SPATA31E1: variants seen among roughly 807,000 people sequenced by gnomAD.
SPATA31E1 encodes spermatogenesis-associated protein 31E1.
Under a neutral mutation model 12.9 loss-of-function variants are expected in SPATA31E1, and 7 were observed. That is an observed-to-expected ratio of 0.54 (90% confidence interval 0.31 to 1.02). The LOEUF (loss-of-function observed/expected upper bound fraction) is 1.02. Ranked by LOEUF, SPATA31E1 falls within the 50% of genes least tolerant of loss-of-function variation. The pLI, the probability that SPATA31E1 is intolerant of heterozygous loss-of-function variation, is 0.05. For synonymous variants in SPATA31E1, 771 were observed against 719.0 expected (o/e 1.07, Z -1.16); for missense variants, 1,961 against 1,799.8 (o/e 1.09, Z -1.62).
chr9:87,888,851 C>T lies in SPATA31E1; in HGVS notation c.*26C>T, dbSNP rs1230641848. 1 of 1,558,652 alleles carries T rather than the reference C, an allele frequency of 6.4e-7. No homozygotes were observed. Among genetic ancestry groups the T allele is most frequent in the South Asian group, 1.2e-5 (1 of 84,450 alleles). On this transcript the variant is annotated 3_prime_UTR_variant, in exon 4 of 4. Transcript: ENST00000325643. ...ACTAGACCAGTCTTCTTGCATGTCTCCTGGGGGAGACAGGGGGTTCTACTC... is the reference window on the plus strand; with the variant it reads ...ACTAGACCAGTCTTCTTGCATGTCTTCTGGGGGAGACAGGGGGTTCTACTC...
rs754128249 is a variant in SPATA31E1, at chr9:87,887,654, G to C, written c.3167G>C (p.Ser1056Thr). The C allele has an allele frequency of 6.2e-7, 1 of 1,614,074 alleles. No individual in the cohort carries two copies. The highest frequency in any genetic ancestry group is 8.5e-7 in the Non-Finnish European group (1 of 1,180,018). Residue 1056 changes from serine to threonine, a missense_variant, in exon 4 of 4, where the codon AGT (serine) becomes ACT (threonine). By Grantham distance (58) the Ser-to-Thr change is moderately conservative. Transcript: ENST00000325643. Reference sequence around the variant, plus strand: ...ACCTTGGGAGCCAGTGTGAGGGCAAGTTCGGGAAGTGTTCAGGAGGATCTG... The same window carrying C: ...ACCTTGGGAGCCAGTGTGAGGGCAACTTCGGGAAGTGTTCAGGAGGATCTG... ...EVTLGASVRASSGSVQEDLRS... is the reference protein window; with the variant it reads ...EVTLGASVRATSGSVQEDLRS...
Position 87,887,015 on chromosome 9 carries a change from G to C in SPATA31E1, c.2528G>C (p.Cys843Ser). 6.2e-7 allele frequency: 1 copy of C among 1,614,140 alleles called. No individual in the cohort carries two copies. Among genetic ancestry groups the C allele is most frequent in the Non-Finnish European group, 8.5e-7 (1 of 1,180,034 alleles). The change falls in exon 4 of 4, where the codon TGT becomes TCT. Residue 843 changes from cysteine to serine, a missense_variant. Physicochemically the swap from Cys to Ser is moderately radical, Grantham distance 112. Coordinates refer to ENST00000325643, the MANE Select transcript of SPATA31E1 (RefSeq NM_178828.5). ...CTGGAAGTACATCTTGTAAGGTTCT[G>C]TGTGAGGCACAGCTGGGGTACAGAC... ...QILEVHLVRFCVRHSWGTDLQ... is the reference protein window; with the variant it reads ...QILEVHLVRFSVRHSWGTDLQ...
rs771717657 is a variant in SPATA31E1 at position 87,886,995 on chromosome 9, A to C, written c.2508A>C (p.Glu836Asp). Reference sequence around the variant, plus strand: ...ATCCCTGCACCCAGCAGATACTGGAAGTACATCTTGTAAGGTTCTGTGTGA... The same window carrying C: ...ATCCCTGCACCCAGCAGATACTGGACGTACATCTTGTAAGGTTCTGTGTGA... Reference protein sequence around the residue: ...FLHPCTQQILEVHLVRFCVRH... With the variant: ...FLHPCTQQILDVHLVRFCVRH... The change falls in exon 4 of 4, where the codon GAA (glutamate) becomes GAC (aspartate). Residue 836 changes from glutamate (E) to aspartate (D), a missense_variant. Coordinates refer to ENST00000325643, the MANE Select transcript of SPATA31E1 (RefSeq NM_178828.5). 1 of 1,614,116 alleles carries C rather than the reference A, an allele frequency of 6.2e-7. No individual in the cohort carries two copies. The highest frequency in any genetic ancestry group is 1.3e-5 in the African/African-American group (1 of 75,046).
In SPATA31E1 at chr9:87,885,883, G is replaced by A; in HGVS notation, c.1396G>A (p.Ala466Thr). ...WVSRNPSSQNAHSVPLDKAST... is the reference protein window; with the variant it reads ...WVSRNPSSQNTHSVPLDKAST... ...TTCTAGGAACCCTTCCTCACAGAATGCACACTCTGTACCACTGGATAAAGC... is the reference window on the plus strand; with the variant it reads ...TTCTAGGAACCCTTCCTCACAGAATACACACTCTGTACCACTGGATAAAGC... The change falls in exon 4 of 4, where the codon GCA (alanine) becomes ACA (threonine). Residue 466 changes from alanine (A) to threonine (T), a missense_variant. Ala to Thr is a moderately conservative substitution (Grantham distance 58). Coordinates refer to ENST00000325643, the MANE Select transcript of SPATA31E1 (RefSeq NM_178828.5). 1.2e-6 allele frequency: 2 copies of A among 1,613,932 alleles called. No individual in the cohort carries two copies. Among genetic ancestry groups the A allele is most frequent in the East Asian group, 2.2e-5 (1 of 44,860 alleles).
Position 87,883,057 on chromosome 9 carries a change from T to C in SPATA31E1, c.166T>C (p.Trp56Arg), listed in dbSNP as rs1587566063. 1 of 1,613,580 alleles carries C rather than the reference T, an allele frequency of 6.2e-7. No individual in the cohort carries two copies. Among genetic ancestry groups the C allele is most frequent in the Non-Finnish European group, 8.5e-7 (1 of 1,179,906 alleles). The stretch of plus-strand genomic sequence containing the variant: ...TCCTCTGAAGAGCCCTAGTGCCACA[T>C]GGCTGAGCCCTAGCTCCACTCCCTG... ...LFPLKSPSATWLSPSSTPWMM... is the reference protein window; with the variant it reads ...LFPLKSPSATRLSPSSTPWMM... Residue 56 changes from tryptophan (W) to arginine (R), a missense_variant, in exon 1 of 4, where the codon TGG (tryptophan) becomes CGG (arginine). Trp to Arg is a moderately radical substitution (Grantham distance 101). Coordinates refer to ENST00000325643, the MANE Select transcript of SPATA31E1 (RefSeq NM_178828.5).
chr9:87,887,412 T>G lies in SPATA31E1; in HGVS notation c.2925T>G (p.Thr975=). Residue 975 remains threonine, a synonymous_variant, in exon 4 of 4, where the codon ACT becomes ACG. Transcript: ENST00000325643. The stretch of plus-strand genomic sequence containing the variant: ...TGGGCAGAACCTGGCAGAGCAGGAC[T>G]GTCCTGGAATCCGGGAAACCCAAAC... ...SLVGRTWQSR[T]VLESGKPKPR... is the part of the protein sequence containing the mutation. The G allele has an allele frequency of 6.2e-7, 1 of 1,613,812 alleles. No individual in the cohort carries two copies. Among genetic ancestry groups the G allele is most frequent in the Non-Finnish European group, 8.5e-7 (1 of 1,180,032 alleles).
chr9:87,884,011 G>A lies in SPATA31E1; in HGVS notation c.329G>A (p.Gly110Glu). 2 of 1,607,382 alleles carry A rather than the reference G, an allele frequency of 1.2e-6. No homozygotes were observed. The highest frequency in any genetic ancestry group is 2.7e-5 in the African/African-American group (2 of 74,916). Reference protein sequence around the residue: ...SSREPQRERSGRSRSRKISAL... With the variant: ...SSREPQRERSERSRSRKISAL... ...TCTCAGCCTCAAAGGGAGAGAAGCG[G>A]GAGGTCCAGGAGCAGGAAGATCTCA... Residue 110 changes from glycine to glutamate, a missense_variant, in exon 2 of 4, where the codon GGG becomes GAG. Transcript: ENST00000325643.
rs973461309 is a variant in SPATA31E1 at position 87,888,305 on chromosome 9, G to T, written c.3818G>T (p.Gly1273Val). The change falls in exon 4 of 4, where the codon GGT becomes GTT. Residue 1273 changes from glycine to valine, a missense_variant. By Grantham distance (109) the Gly-to-Val change is moderately radical (BLOSUM62 -3). Coordinates refer to ENST00000325643, the MANE Select transcript of SPATA31E1 (RefSeq NM_178828.5). Reference sequence around the variant, plus strand: ...AGAAAGATCAGTCACCATCCACAGGGTCTACACCCCAGGAAAGGAGGCACA... The same window carrying T: ...AGAAAGATCAGTCACCATCCACAGGTTCTACACCCCAGGAAAGGAGGCACA... ...FQRKISHHPQ[G>V]LHPRKGGTRW... 4 of 1,614,098 alleles carry T rather than the reference G, an allele frequency of 2.5e-6. No individual in the cohort carries two copies. Among genetic ancestry groups the T allele is most frequent in the Admixed American group, 1.7e-5 (1 of 60,030 alleles).
Position 87,885,503 on chromosome 9 carries a change from C to T in SPATA31E1, c.1016C>T (p.Ser339Phe). Residue 339 changes from serine to phenylalanine, a missense_variant, in exon 4 of 4, where the codon TCC becomes TTC. By Grantham distance (155) the Ser-to-Phe change is radical. Transcript: ENST00000325643. ...RHLPDHTSEA[S>F]FWGDPTPKHM... ...CTTCCCGACCACACCTCAGAGGCTT[C>T]CTTCTGGGGAGACCCCACACCCAAG... 1 of 1,614,168 alleles carries T rather than the reference C, an allele frequency of 6.2e-7. No homozygotes were observed. The highest frequency in any genetic ancestry group is 1.6e-4 in the Middle Eastern group (1 of 6,062).
rs1156772216 is a variant in SPATA31E1, at chr9:87,885,608, T to C, written c.1121T>C (p.Leu374Pro). Reference protein sequence around the residue: ...LLETLIAKRALMKMWQEKERK... With the variant: ...LLETLIAKRAPMKMWQEKERK... ...GAGACCCTCATCGCCAAGAGAGCAC[T>C]GATGAAGATGTGGCAGGAGAAAGAA... Residue 374 changes from leucine (L) to proline (P), a missense_variant, in exon 4 of 4, where the codon CTG (leucine) becomes CCG (proline). Physicochemically the swap from Leu to Pro is moderately conservative, Grantham distance 98. Coordinates refer to ENST00000325643, the MANE Select transcript of SPATA31E1 (RefSeq NM_178828.5). 11 of 1,613,910 alleles carry C rather than the reference T, an allele frequency of 6.8e-6. No individual in the cohort carries two copies. The highest frequency in any genetic ancestry group is 2.2e-5 in the South Asian group (2 of 91,082).
At position 87,888,003 on chromosome 9, in the gene SPATA31E1, G is replaced by A; in HGVS notation, c.3516G>A (p.Trp1172Ter). Residue 1172 changes from tryptophan (W) to a stop codon, truncating the protein, a stop_gained, in exon 4 of 4, where the codon TGG becomes TGA. Transcript: ENST00000325643. LOFTEE classifies it low-confidence loss of function (END_TRUNC). ...CCCAGGGGCCATGTGCCCTCCTATG[G>A]AAGGGAGGGGACAGTCCAGGGCAGC... The part of the protein sequence containing the change: ...TASQGPCALL[W>*]KGGDSPGQQE... 1 of 1,613,446 alleles carries A rather than the reference G, an allele frequency of 6.2e-7. No individual in the cohort carries two copies. Among genetic ancestry groups the A allele is most frequent in the Non-Finnish European group, 8.5e-7 (1 of 1,179,932 alleles).
rs760836660 is a variant in SPATA31E1, at chr9:87,888,543, G to A, written c.4056G>A (p.Gln1352=). The A allele has an allele frequency of 4.3e-6, 7 of 1,614,162 alleles. No homozygotes were observed. In the Admixed American group the frequency reaches 5.0e-5, roughly 12 times the overall value. ...GCCACAAAGGTGACTTCCGCGCCCA[G>A]GAGAATGTGCCTTCCTGCTGCCACA... The part of the protein sequence containing the change: ...VNRHKGDFRA[Q]ENVPSCCHRG... The change falls in exon 4 of 4, where the codon CAG becomes CAA. Residue 1352 remains glutamine, a synonymous_variant. Transcript: ENST00000325643.
rs759218088 is a variant in SPATA31E1 at position 87,886,625 on chromosome 9, G to A, written c.2138G>A (p.Gly713Glu). The change falls in exon 4 of 4, where the codon GGG (glycine) becomes GAG (glutamate). Residue 713 changes from glycine (G) to glutamate (E), a missense_variant. Coordinates refer to ENST00000325643, the MANE Select transcript of SPATA31E1 (RefSeq NM_178828.5). ...SDKGCLGSKL[G>E]PDPSRDQGSG... is the part of the protein sequence containing the mutation. ...AAGGGGTGCTTAGGGTCCAAACTAG[G>A]GCCGGACCCAAGCCGGGATCAAGGC... 26 of 1,613,980 alleles carry A rather than the reference G, an allele frequency of 1.6e-5. No individual in the cohort carries two copies. The highest frequency in any genetic ancestry group is 1.7e-5 in the Non-Finnish European group (20 of 1,180,000).
Position 87,883,039 on chromosome 9 carries a change from A to G in SPATA31E1, c.148A>G (p.Lys50Glu). ...GATGGAGAAAATGCTCTTTCCTCTG[A>G]AGAGCCCTAGTGCCACATGGCTGAG... ...LQMEKMLFPLKSPSATWLSPS... is the reference protein window; with the variant it reads ...LQMEKMLFPLESPSATWLSPS... The change falls in exon 1 of 4, where the codon AAG becomes GAG. Residue 50 changes from lysine to glutamate, a missense_variant. Lys to Glu is a moderately conservative substitution (Grantham distance 56, BLOSUM62 1). Coordinates refer to ENST00000325643, the MANE Select transcript of SPATA31E1 (RefSeq NM_178828.5). 6.2e-7 allele frequency: 1 copy of G among 1,613,678 alleles called. No individual in the cohort carries two copies. Among genetic ancestry groups the G allele is most frequent in the Admixed American group, 1.7e-5 (1 of 59,978 alleles).
rs753790323 is a variant in SPATA31E1, at chr9:87,887,038, G to C, written c.2551G>C (p.Asp851His). Residue 851 changes from aspartate to histidine, a missense_variant, in exon 4 of 4, where the codon GAC becomes CAC. By Grantham distance (81) the Asp-to-His change is moderately conservative (BLOSUM62 -1). Transcript: ENST00000325643. ...RFCVRHSWGT[D>H]LQSLEPINVW... ...CTGTGTGAGGCACAGCTGGGGTACA[G>C]ACCTCCAGTCCCTGGAGCCCATAAA... 1.5e-5 allele frequency: 25 copies of C among 1,614,144 alleles called. No homozygotes were observed. Among genetic ancestry groups the C allele is most frequent in the Non-Finnish European group, 2.0e-5 (24 of 1,180,028 alleles).
Position 87,885,248 on chromosome 9 carries a change from C to G in SPATA31E1, c.761C>G (p.Ser254Cys), listed in dbSNP as rs1486847260. The change falls in exon 4 of 4, where the codon TCC becomes TGC. Residue 254 changes from serine (S) to cysteine (C), a missense_variant. Physicochemically the swap from Ser to Cys is moderately radical, Grantham distance 112 (BLOSUM62 -1). Transcript: ENST00000325643. ...PSPQPHGPLA[S>C]SPPPPDSSLA... ...CCACAGCCGCATGGTCCCCTGGCCT[C>G]CTCTCCACCTCCACCCGACTCCAGC... 2 of 1,614,130 alleles carry G rather than the reference C, an allele frequency of 1.2e-6. No individual in the cohort carries two copies. The highest frequency in any genetic ancestry group is 1.7e-6 in the Non-Finnish European group (2 of 1,180,002).
intron 1 of SPATA31E1, among the ~76,000 whole-genome samples, chr9:87,883,721 T>C (rs1331995767): frequency 6.6e-6 from 1 of 152,208 alleles, no homozygotes; most frequent in Non-Finnish European, 1.5e-5. Flanking sequence ...CAGAGGCGCC[T>C]GTGGGCCTGA....
Position 87,888,564 on chromosome 9 carries a change from C to T in SPATA31E1, c.4077C>T (p.Cys1359=), listed in dbSNP as rs751278294. 6.2e-6 allele frequency: 10 copies of T among 1,614,048 alleles called. No homozygotes were observed. The highest frequency in any genetic ancestry group is 1.7e-6 in the Non-Finnish European group (2 of 1,180,032). ...CCCAGGAGAATGTGCCTTCCTGCTG[C>T]CACAGGGGTCACTGCCACCAAGAAC... ...FRAQENVPSC[C]HRGHCHQERS... Residue 1359 remains cysteine, a synonymous_variant, in exon 4 of 4, where the codon TGC becomes TGT. Transcript: ENST00000325643.
chr9:87,886,814 T>A lies in SPATA31E1; in HGVS notation c.2327T>A (p.Ile776Asn). Reference protein sequence around the residue: ...QIHLARKVGEIKEGWIPMPVR... With the variant: ...QIHLARKVGENKEGWIPMPVR... ...CATCTGGCCAGGAAGGTAGGGGAGA[T>A]CAAAGAGGGCTGGATCCCCATGCCT... Residue 776 changes from isoleucine to asparagine, a missense_variant, in exon 4 of 4, where the codon ATC becomes AAC. Ile to Asn is a moderately radical substitution (Grantham distance 149). Coordinates refer to ENST00000325643, the MANE Select transcript of SPATA31E1 (RefSeq NM_178828.5). The A allele has an allele frequency of 1.2e-6, 2 of 1,613,944 alleles. No individual in the cohort carries two copies. The highest frequency in any genetic ancestry group is 1.7e-6 in the Non-Finnish European group (2 of 1,179,978).
Sources: allele counts gnomAD v4.1 joint callset (sites outside exome capture counted in the v4.1 genomes callset), GRCh38; gene constraint gnomAD v4.1.1; transcripts MANE v1.5; gene names NCBI Gene and HGNC (gene_info 2026-07-23, HGNC 2026-07-21).